CYREN: variants seen among roughly 807,000 people sequenced by gnomAD.
CYREN encodes cell cycle regulator of NHEJ.
In CYREN, 7 loss-of-function variants were observed where a neutral mutation model predicts 9.7. The ratio of observed to expected loss-of-function variants is 0.72; its 90% CI spans 0.41 to 1.36. The LOEUF (loss-of-function observed/expected upper bound fraction) is 1.36. CYREN is among the 40% of genes most tolerant of loss of function. The pLI is 0.01. For synonymous variants in CYREN, 76 were observed against 77.9 expected, an observed-to-expected ratio of 0.98 and a Z score of 0.13; for missense variants, 215 against 198.1, an observed-to-expected ratio of 1.09 and a Z score of -0.51.
downstream of CYREN, chr7:135,164,854 T>A: frequency 5.6e-6 from 9 of 1,613,960 alleles, no homozygotes; most frequent in Non-Finnish European, 7.6e-6. Context: ...CTCTCCTATG[T>A]GTGGAAGTGG....
At chr7:135,117,902 C>T (rs1048787404) in intron 2 of CYREN, among the ~76,000 whole-genome samples, 2 of 152,170 alleles carry the variant, frequency 1.3e-5, no homozygotes, top group African/African-American at 4.8e-5. Flanking sequence ...GATTATCTTT[C>T]TCTATACTTT....
At chr7:135,150,548 C>T (rs1004250387) in intron 2 of CYREN, among the ~76,000 whole-genome samples, 1 of 152,092 alleles carries the variant, frequency 6.6e-6, no homozygotes, top group African/African-American at 2.4e-5. Context: ...CCCCACGAGT[C>T]GAAGTGGGTG....
chr7:135,153,025 T>C (rs1486565499), intron 2 of CYREN: 1 of 151,962 alleles, frequency 6.6e-6, no homozygotes, highest in Non-Finnish European at 1.5e-5. Context: ...GTAAAGGACA[T>C]AAACAGACAT....
chr7:135,102,197 C>T (rs112273082), intron 2 of CYREN, among the ~76,000 whole-genome samples: 1,769 of 152,130 alleles, frequency 0.012, 31 homozygotes, highest in African/African-American at 0.04. Flanking sequence ...TCAAATTCAC[C>T]GCTCCAAATC....
At chr7:135,120,815 T>C (rs1488085169) in intron 2 of CYREN, among the ~76,000 whole-genome samples, 1 of 152,172 alleles carries the variant, frequency 6.6e-6, no homozygotes, top group Non-Finnish European at 1.5e-5. Flanking sequence ...GTAAAGTAGA[T>C]TTTAGAGGAA....
chr7:135,166,614 G>C lies in CYREN; in HGVS notation c.471C>G (p.Ser157Arg). The change falls in exon 4 of 4, where the codon AGC (serine) becomes AGG (arginine). Residue 157 changes from serine to arginine, a missense_variant. Transcript: ENST00000393114. ...VLKYVREIFF[S>R] is the part of the protein sequence containing the mutation. ...AGTTCAGTGCACAGTTTATGCCCTA[G>C]CTGAAAAAGATCTCCCGGACGTATT... The C allele has an allele frequency of 6.3e-7, 1 of 1,591,624 alleles. No homozygotes were observed. The highest frequency in any genetic ancestry group is 8.5e-7 in the Non-Finnish European group (1 of 1,174,376).
At chr7:135,102,054 G>A (rs1343126926) in intron 2 of CYREN, among the ~76,000 whole-genome samples, 5 of 152,196 alleles carry the variant, frequency 3.3e-5, no homozygotes, top group Non-Finnish European at 5.9e-5. Flanking sequence ...TAGCCACATA[G>A]AATCGTGATT....
At chr7:135,125,982 A>G (rs1827818907) in intron 2 of CYREN, among the ~76,000 whole-genome samples, 1 of 152,216 alleles carries the variant, frequency 6.6e-6, no homozygotes, top group South Asian at 2.1e-4. Context: ...GAAAACCAGT[A>G]CAAGACAAGG....
intron 2 of CYREN, among the ~76,000 whole-genome samples, chr7:135,121,913 A>T (rs1325027302): frequency 6.6e-6 from 1 of 152,232 alleles, no homozygotes; most frequent in African/African-American, 2.4e-5. Flanking sequence ...ATAGATTGGA[A>T]GATCCCACTC....
intron 2 of CYREN, among the ~76,000 whole-genome samples, chr7:135,119,721 C>T (rs1826865244): frequency 1.3e-5 from 2 of 151,862 alleles, no homozygotes; most frequent in Non-Finnish European, 1.5e-5. Flanking sequence ...ACTAAAAATA[C>T]AAAAAATTAG....
chr7:135,095,174 C>T (rs1822474967), intron 2 of CYREN, among the ~76,000 whole-genome samples: 1 of 152,172 alleles, frequency 6.6e-6, no homozygotes, highest in Non-Finnish European at 1.5e-5. Context: ...CTTCCTGTCT[C>T]ACTGGAGGGT....
intron 2 of CYREN, among the ~76,000 whole-genome samples, chr7:135,123,556 T>A: frequency 6.6e-6 from 1 of 152,100 alleles, no homozygotes; most frequent in East Asian, 1.9e-4. Context: ...CACTAAGATA[T>A]TCCATGAGAA....
intron 2 of CYREN, among the ~76,000 whole-genome samples, chr7:135,112,797 G>A (rs1825820204): frequency 6.6e-6 from 1 of 152,018 alleles, no homozygotes; most frequent in Admixed American, 6.5e-5. Flanking sequence ...TTTTTGAGAT[G>A]GAGTATTGAT....
In CYREN at chr7:135,129,732, C is replaced by T. The variant is rs536985261; in HGVS notation, n.357-35150G>A. 36 of 723,342 alleles carry T rather than the reference C, an allele frequency of 5.0e-5. No homozygotes were observed. The East Asian group carries it at 8.6e-4, about 17-fold the overall frequency. The allele number at this position is 723,342 out of a possible 1,614,324, so 44.8% of individuals were successfully genotyped here. On this transcript the variant is annotated intron_variant and non_coding_transcript_variant, in intron 2 of 2. Transcript: ENST00000459937. ...AGATATGGAAGTGGATTGGTTTTCC[C>T]TAATCTTTTGTCAAGTACACAAAGT... is the stretch of plus-strand genomic sequence containing the variant.
At chr7:135,129,175 T>C in intron 2 of CYREN, 1 of 1,437,764 alleles carries the variant, frequency 7.0e-7, no homozygotes, top group South Asian at 1.1e-5. Context: ...TTGGACCTGA[T>C]GGCAGATGTG....
intron 2 of CYREN, among the ~76,000 whole-genome samples, chr7:135,117,847 A>G (rs1826546877): frequency 6.6e-6 from 1 of 152,176 alleles, no homozygotes; most frequent in Non-Finnish European, 1.5e-5. Flanking sequence ...CAAAAGCTGC[A>G]TTTGTAATTA....
chr7:135,128,291 C>CAAAAAAA (rs61217008), intron 2 of CYREN, among the ~76,000 whole-genome samples: 3 of 58,076 alleles, frequency 5.2e-5, no homozygotes, highest in East Asian at 6.1e-4. Flanking sequence ...GACTCCATCT[C>CAAAAAAA]AAAAAAAAAA....
intron 2 of CYREN, among the ~76,000 whole-genome samples, chr7:135,144,680 C>A (rs2117404403): frequency 6.6e-6 from 1 of 151,850 alleles, no homozygotes; most frequent in Middle Eastern, 3.4e-3. Flanking sequence ...TTCTGGGAGG[C>A]CAAGGCAGGT....
intron 2 of CYREN, chr7:135,128,621 C>T: frequency 1.3e-6 from 1 of 792,184 alleles, no homozygotes; most frequent in Non-Finnish European, 2.3e-6. Context: ...AACACCCTGG[C>T]AGCGTGATCC....
Sources: allele counts gnomAD v4.1 joint callset (sites outside exome capture counted in the v4.1 genomes callset), GRCh38; gene constraint gnomAD v4.1.1; transcripts MANE v1.5; gene names NCBI Gene and HGNC (gene_info 2026-07-23, HGNC 2026-07-21).